The following KIAA1217 variants were observed in gnomAD, a reference collection of about 807,000 sequenced individuals.
The protein encoded by KIAA1217 is sickle tail protein homolog.
KIAA1217 carries 88 observed loss-of-function variants against 163.9 expected under a neutral mutation model. The observed-to-expected ratio is 0.54, with a 90% confidence interval of 0.45 to 0.64. KIAA1217 has a LOEUF of 0.64. Among genes scored for constraint, KIAA1217 ranks in the 30% least tolerant of loss-of-function variants. KIAA1217 has a pLI of 0.00. For synonymous variants in KIAA1217, 903 were observed against 923.1 expected, an observed-to-expected ratio of 0.98 and a Z score of 0.39; for missense variants, 2,372 against 2,475.0, an observed-to-expected ratio of 0.96 and a Z score of 0.88.
intron 14 of KIAA1217, 84 bp downstream of exon 14, chr10:24,528,203 T>C: frequency 2.8e-6 from 3 of 1,070,366 alleles, no homozygotes; most frequent in Non-Finnish European, 4.0e-6. Context: ...CACATACTCA[T>C]CAACAGAACC....
At position 24,370,264 on chromosome 10, in the gene KIAA1217, C is replaced by CAAAAA. The variant is rs5783891; in HGVS notation, c.355-10588_355-10584dup. On this transcript the variant is annotated intron_variant, in intron 2 of 20. Transcript: ENST00000376454. ...TGGGCAACAGAGCGAGACTCTGTCT[C>CAAAAA]AAAAAAAAAAAAAAAAAAAAAGACA... Among the ~76,000 whole-genome samples, 30 of 73,418 alleles carry CAAAAA rather than the reference C, an allele frequency of 4.1e-4. 1 individual carries two copies. Among genetic ancestry groups the CAAAAA allele is most frequent in the East Asian group, 2.4e-3 (5 of 2,088 alleles). The allele number at this position is 73,418 out of a possible 152,430, so 48.2% of individuals were successfully genotyped here. A position where few individuals can be genotyped will look rare whatever the true frequency, so the allele number is the denominator to read the frequency against.
At chr10:23,981,323 G>A (rs1017317585) in intron 1 of KIAA1217, among the ~76,000 whole-genome samples, 24 of 152,092 alleles carry the variant, frequency 1.6e-4, no homozygotes, top group African/African-American at 5.8e-4. Flanking sequence ...AGTTTTAACA[G>A]CTTCATCTCT....
intron 2 of KIAA1217, among the ~76,000 whole-genome samples, chr10:24,226,876 G>A (rs2070635704): frequency 6.6e-6 from 1 of 152,016 alleles, no homozygotes; most frequent in Admixed American, 6.6e-5. Flanking sequence ...CTTCATTAAT[G>A]AATAGATGTT....
chr10:23,767,975 G>A (rs1477464909), intron 1 of KIAA1217, among the ~76,000 whole-genome samples: 2 of 152,224 alleles, frequency 1.3e-5, no homozygotes, highest in Admixed American at 6.5e-5. Flanking sequence ...GAGACCAGAA[G>A]GAGGGGGCTG....
At chr10:24,139,390 G>A (rs1765475102) in intron 2 of KIAA1217, among the ~76,000 whole-genome samples, 1 of 151,968 alleles carries the variant, frequency 6.6e-6, no homozygotes, top group Non-Finnish European at 1.5e-5. Flanking sequence ...ATATATTGTA[G>A]ATTCTGTTTT....
intron 1 of KIAA1217, among the ~76,000 whole-genome samples, chr10:23,931,755 G>T (rs1268837618): frequency 1.3e-5 from 2 of 152,194 alleles, no homozygotes; most frequent in Non-Finnish European, 2.9e-5. Context: ...TGGCAGATAT[G>T]CAGTTTCTTA....
intron 1 of KIAA1217, among the ~76,000 whole-genome samples, chr10:23,800,708 G>A (rs1224777813): frequency 1.3e-5 from 2 of 151,888 alleles, no homozygotes; most frequent in Admixed American, 6.6e-5. Flanking sequence ...AATTAAAAAA[G>A]CAAACATATG....
At chr10:24,266,018 A>G (rs1176605579) in intron 2 of KIAA1217, among the ~76,000 whole-genome samples, 1 of 152,148 alleles carries the variant, frequency 6.6e-6, no homozygotes, top group Non-Finnish European at 1.5e-5. Flanking sequence ...ACTTTGTTTT[A>G]TACAGAACAC....
At chr10:23,793,721 C>T (rs1836067887) in intron 1 of KIAA1217, among the ~76,000 whole-genome samples, 1 of 152,160 alleles carries the variant, frequency 6.6e-6, no homozygotes, top group South Asian at 2.1e-4. Flanking sequence ...TTCTTCCTCC[C>T]TTGCTGCTGT....
At chr10:24,404,083 G>C (rs951270656) in intron 3 of KIAA1217, among the ~76,000 whole-genome samples, 3 of 152,010 alleles carry the variant, frequency 2.0e-5, no homozygotes, top group Non-Finnish European at 4.4e-5. Context: ...TCAACTTCCT[G>C]ACTAGCTGGG....
intron 1 of KIAA1217, among the ~76,000 whole-genome samples, chr10:23,922,091 G>A (rs1031313205): frequency 2.0e-5 from 3 of 151,774 alleles, no homozygotes; most frequent in Non-Finnish European, 2.9e-5. Flanking sequence ...GGCTGGAGAT[G>A]GCCAATAATT....
chr10:24,320,715 T>A (rs1489295292), intron 2 of KIAA1217, among the ~76,000 whole-genome samples: 2 of 152,150 alleles, frequency 1.3e-5, no homozygotes, highest in Non-Finnish European at 2.9e-5. Flanking sequence ...ATTCTCCATT[T>A]TTTCATTCTC....
chr10:23,873,436 A>G (rs948741648), intron 1 of KIAA1217, among the ~76,000 whole-genome samples: 1 of 152,066 alleles, frequency 6.6e-6, no homozygotes, highest in South Asian at 2.1e-4. Context: ...ATGCCAGATG[A>G]AGCATTACTC....
chr10:24,358,349 A>G (rs2049400272), intron 2 of KIAA1217, among the ~76,000 whole-genome samples: 1 of 152,164 alleles, frequency 6.6e-6, no homozygotes, highest in Admixed American at 6.6e-5. Context: ...ACTTGCAGAG[A>G]CGACCTGGGT....
At chr10:23,857,142 C>A (rs189828695) in intron 1 of KIAA1217, among the ~76,000 whole-genome samples, 2 of 152,306 alleles carry the variant, frequency 1.3e-5, no homozygotes, top group Admixed American at 1.3e-4. Flanking sequence ...TGTTCCTATT[C>A]GGCCATCTTG....
intron 1 of KIAA1217, among the ~76,000 whole-genome samples, chr10:23,840,429 A>G (rs1348388000): frequency 6.6e-6 from 1 of 152,150 alleles, no homozygotes; most frequent in Non-Finnish European, 1.5e-5. Flanking sequence ...TGTTGGGATT[A>G]CAGATGTGAG....
intron 2 of KIAA1217, among the ~76,000 whole-genome samples, chr10:24,371,850 A>G (rs746503589): frequency 6.6e-6 from 1 of 152,244 alleles, no homozygotes; most frequent in African/African-American, 2.4e-5. Context: ...TAAAAATATC[A>G]TGCCTATTTA....
At position 23,816,263 on chromosome 10, in the gene KIAA1217, T is replaced by C. The variant is rs1837308111; in HGVS notation, c.-321+121029T>C. ...GATCCTTAGGGGAAGTAGTTTCCCA[T>C]GCTCACATTTCTTTTTGTTGTTGTT... On this transcript the variant is annotated intron_variant, in intron 1 of 18. Coordinates refer to the KIAA1217 transcript ENST00000376462. 3.3e-5 allele frequency among the ~76,000 whole-genome samples: 5 copies of C among 152,118 alleles called. No homozygotes were observed. The South Asian group carries it at 1.0e-3, about 32-fold the overall frequency.
intron 2 of KIAA1217, among the ~76,000 whole-genome samples, chr10:24,244,123 A>G (rs556122851): frequency 1.2e-4 from 18 of 152,328 alleles, no homozygotes; most frequent in Non-Finnish European, 1.8e-4. Context: ...TGAATTTCCA[A>G]TGCCTCTTGA....
Sources: gnomAD v4.1 joint callset for allele counts (sites outside exome capture counted in the v4.1 genomes callset) on GRCh38, gnomAD v4.1.1 for gene constraint, MANE v1.5 for transcripts, NCBI Gene and HGNC (gene_info 2026-07-23, HGNC 2026-07-21) for gene names.